The following FYB2 variants were observed in gnomAD, a reference collection of about 807,000 sequenced individuals.
FYB2 encodes the protein FYN-binding protein 2.
A neutral mutation model predicts 94.1 loss-of-function variants in FYB2; 103 were observed. The ratio of observed to expected loss-of-function variants is 1.09; its 90% CI spans 0.93 to 1.29. The LOEUF is 1.29. Ranked by LOEUF, FYB2 falls within the 50% of genes most tolerant of loss-of-function variation. FYB2 has a pLI of 0.00. For synonymous variants in FYB2, 293 were observed against 287.9 expected (o/e 1.02, Z -0.18); for missense variants, 896 against 841.5 (o/e 1.06, Z -0.80).
rs547841173 is a variant in FYB2 at position 56,761,928 on chromosome 1, G to T, written c.1064-3178C>A. ...TATAAGGTGTGAGACTTAAGCCAAAGTTTATTTTCGTTTACCTATGGCAAT... is the reference window on the plus strand; with the variant it reads ...TATAAGGTGTGAGACTTAAGCCAAATTTTATTTTCGTTTACCTATGGCAAT... On this transcript the variant is annotated intron_variant, in intron 5 of 19. Coordinates refer to ENST00000343433, the MANE Select transcript of FYB2 (RefSeq NM_001004303.5). 3 of 152,092 alleles carry T rather than the reference G, an allele frequency of 2.0e-5. No individual in the cohort carries two copies. In the South Asian group the frequency reaches 6.2e-4, roughly 32 times the overall value. 9.4% of individuals were successfully genotyped at this position (152,092 alleles called of 1,614,324 possible). A position where few individuals can be genotyped will look rare whatever the true frequency, so the allele number is the denominator to read the frequency against.
Position 56,792,182 on chromosome 1 carries a change from C to T in FYB2, c.631G>A (p.Glu211Lys). The change falls in exon 2 of 20, where the codon GAA becomes AAA. Residue 211 changes from glutamate (E) to lysine (K), a missense_variant. Physicochemically the swap from Glu to Lys is moderately conservative, Grantham distance 56. Transcript: ENST00000343433. ...TGAGAAATTACAAAAGAGGGATCTTCAGAGACGTTATGTAATATTTTGGGG... is the reference window on the plus strand; with the variant it reads ...TGAGAAATTACAAAAGAGGGATCTTTAGAGACGTTATGTAATATTTTGGGG... ...VAPKILHNVS[E>K]DPSFVISQHI... 1.2e-6 allele frequency: 2 copies of T among 1,614,042 alleles called. No individual in the cohort carries two copies. The highest frequency in any genetic ancestry group is 1.7e-6 in the Non-Finnish European group (2 of 1,179,974).
rs182280794 is a variant in FYB2, at chr1:56,814,170, C to T, written c.9+5112G>A. On this transcript the variant is annotated intron_variant, in intron 1 of 19. Transcript: ENST00000343433. The stretch of plus-strand genomic sequence containing the variant: ...GAAGAGAATGTGCATGGAGATGCAG[C>T]AGGCTAGGAAACTGGAACATGAGGG... 1.8e-4 allele frequency among the ~76,000 whole-genome samples: 28 copies of T among 152,284 alleles called. No homozygotes were observed. The East Asian group carries it at 5.4e-3, about 29-fold the overall frequency.
chr1:56,779,335 G>A (rs1321771081), intron 4 of FYB2, among the ~76,000 whole-genome samples: 1 of 152,052 alleles, frequency 6.6e-6, no homozygotes, highest in African/African-American at 2.4e-5. Flanking sequence ...AGAGAAGAAA[G>A]GAGCGTGCCT....
At chr1:56,734,595 T>C (rs1306488605) in intron 15 of FYB2, among the ~76,000 whole-genome samples, 2 of 151,912 alleles carry the variant, frequency 1.3e-5, no homozygotes, top group Non-Finnish European at 2.9e-5. Context: ...TTCTCACTCA[T>C]AGGTAGGAAT....
chr1:56,764,184 C>T (rs1645568417), intron 5 of FYB2, among the ~76,000 whole-genome samples: 1 of 152,020 alleles, frequency 6.6e-6, no homozygotes, highest in African/African-American at 2.4e-5. Flanking sequence ...GAACTCCTGA[C>T]CTTAGGTGAT....
chr1:56,819,139 C>A, intron 1 of FYB2, 143 bp downstream of exon 1: 1 of 562,194 alleles, frequency 1.8e-6, no homozygotes, highest in Non-Finnish European at 3.1e-6. Flanking sequence ...AGCAGAAATG[C>A]ACTGGCTGAC....
At chr1:56,749,916 A>G (rs1645155694) in intron 9 of FYB2, among the ~76,000 whole-genome samples, 1 of 152,034 alleles carries the variant, frequency 6.6e-6, no homozygotes, top group Admixed American at 6.6e-5. Flanking sequence ...ACTTTTATGA[A>G]TGTTTTAAAA....
intron 7 of FYB2, among the ~76,000 whole-genome samples, chr1:56,754,326 T>C (rs775297068): frequency 3.9e-5 from 6 of 152,062 alleles, no homozygotes; most frequent in Non-Finnish European, 7.4e-5. Context: ...TCCTTTTTTA[T>C]TATTTTTCTT....
chr1:56,771,262 C>G (rs536134561), intron 4 of FYB2, among the ~76,000 whole-genome samples: 1 of 152,056 alleles, frequency 6.6e-6, no homozygotes, highest in African/African-American at 2.4e-5. Context: ...GGGATGTGTT[C>G]ATATGAGGAA....
chr1:56,768,366 C>T (rs551727398), intron 4 of FYB2, among the ~76,000 whole-genome samples: 2 of 152,300 alleles, frequency 1.3e-5, no homozygotes, highest in African/African-American at 4.8e-5. Context: ...TGAAATGGAG[C>T]TATCAGCATC....
At chr1:56,792,825 C>G in intron 1 of FYB2, 22 bp from the exon 2 acceptor site, 2 of 1,566,588 alleles carry the variant, frequency 1.3e-6, no homozygotes, top group Non-Finnish European at 1.7e-6. Context: ...AATAATCAAA[C>G]AAACAAACAA....
chr1:56,749,133 A>G (rs576275310), intron 9 of FYB2, among the ~76,000 whole-genome samples: 62 of 151,362 alleles, frequency 4.1e-4, no homozygotes, highest in African/African-American at 1.3e-3. Flanking sequence ...TTATTCTTTA[A>G]TGTTCTTCAT....
rs372995211 is a variant in FYB2, at chr1:56,788,970, T to C, written c.919+3A>G. On this transcript the variant is annotated splice_donor_region_variant and intron_variant, in intron 3 of 19. Transcript: ENST00000343433. ...TTGTGTAGGGCCCTGTGCATTTCCTTACCTTCCCCCTGAGTCTTGGGAACA... is the reference window on the plus strand; with the variant it reads ...TTGTGTAGGGCCCTGTGCATTTCCTCACCTTCCCCCTGAGTCTTGGGAACA... The C allele has an allele frequency of 7.4e-5, 120 of 1,613,876 alleles. No individual in the cohort carries two copies. The highest frequency in any genetic ancestry group is 9.7e-5 in the Non-Finnish European group (114 of 1,179,928).
At chr1:56,808,178 C>T (rs1646687884) in intron 1 of FYB2, among the ~76,000 whole-genome samples, 1 of 152,090 alleles carries the variant, frequency 6.6e-6, no homozygotes, top group African/African-American at 2.4e-5. Context: ...AAGTGATGAA[C>T]TCCATTTTAC....
In FYB2 at chr1:56,738,599, G is replaced by T. The variant is rs373694198; in HGVS notation, c.1732+26C>A. The T allele has an allele frequency of 5.9e-5, 94 of 1,595,088 alleles. No individual in the cohort carries two copies. In the Middle Eastern group the frequency reaches 6.7e-4, roughly 11 times the overall value. On this transcript the variant is annotated intron_variant, in intron 14 of 19. Transcript: ENST00000343433. Reference sequence around the variant, plus strand: ...AATATACAAAAGCTGAGTACTTTTGGTCTGCAATAAGCAAATGGCACTTAC... The same window carrying T: ...AATATACAAAAGCTGAGTACTTTTGTTCTGCAATAAGCAAATGGCACTTAC...
the FYB2 span, chr1:56,825,119 G>A: frequency 6.2e-4 from 94 of 152,302 alleles, no homozygotes; most frequent in African/African-American, 2.2e-3. Flanking sequence ...TTCATTCAAA[G>A]GCATCTATTG....
At chr1:56,775,578 A>C (rs184527057) in intron 4 of FYB2, among the ~76,000 whole-genome samples, 1 of 152,300 alleles carries the variant, frequency 6.6e-6, no homozygotes, top group Admixed American at 6.5e-5. Context: ...CAGATGAAGA[A>C]ACTGAAGCAT....
intron 15 of FYB2, 111 bp from the exon 16 acceptor site, chr1:56,726,694 G>T: frequency 2.3e-6 from 2 of 855,466 alleles, no homozygotes; most frequent in Non-Finnish European, 3.5e-6. Context: ...AAGTCATCTA[G>T]AAATATATTT....
chr1:56,796,872 G>T lies in FYB2; in HGVS notation c.10-4069C>A, dbSNP rs191034875. On this transcript the variant is annotated intron_variant, in intron 1 of 19. Coordinates refer to ENST00000343433, the MANE Select transcript of FYB2 (RefSeq NM_001004303.5). The stretch of plus-strand genomic sequence containing the variant: ...TTCCTGCTCGTTCAAAATTTAACTC[G>T]TGTCATCTCAAAATATTTGTTGGTT... 2.6e-5 allele frequency among the ~76,000 whole-genome samples: 4 copies of T among 152,200 alleles called. No homozygotes were observed. In the East Asian group the frequency reaches 7.7e-4, roughly 29 times the overall value.
Sources: gnomAD v4.1 joint callset for allele counts (sites outside exome capture counted in the v4.1 genomes callset) on GRCh38, gnomAD v4.1.1 for gene constraint, MANE v1.5 for transcripts, NCBI Gene and HGNC (gene_info 2026-07-23, HGNC 2026-07-21) for gene names.